PARP1: variants seen among roughly 807,000 people sequenced by gnomAD.
PARP1 encodes poly(ADP-ribose) polymerase 1, also known as poly [ADP-ribose] polymerase 1.
In PARP1, 44 loss-of-function variants were observed where a neutral mutation model predicts 118.7. That is an observed-to-expected ratio of 0.37 (90% confidence interval 0.29 to 0.48). The LOEUF (loss-of-function observed/expected upper bound fraction) is 0.48, where lower values mean the gene tolerates loss of function less well. PARP1 is among the 20% of genes least tolerant of loss of function. The pLI is 0.99. For synonymous variants in PARP1, 492 were observed against 483.2 expected (o/e 1.02, Z -0.24); for missense variants, 1,100 against 1,272.4 (o/e 0.86, Z 2.06).
chr1:226,395,785 A>G (rs552632809), intron 2 of PARP1, among the ~76,000 whole-genome samples: 2 of 152,382 alleles, frequency 1.3e-5, no homozygotes, highest in Admixed American at 1.3e-4. Flanking sequence ...TGCAACACGG[A>G]CGAACCCAGA....
intron 2 of PARP1, among the ~76,000 whole-genome samples, chr1:226,399,807 G>A (rs761237918): frequency 2.6e-5 from 4 of 152,178 alleles, no homozygotes; most frequent in Non-Finnish European, 5.9e-5. Flanking sequence ...AAAAGTCTGT[G>A]TATGTGTGGG....
Position 226,361,160 on chromosome 1 carries a change from T to C in PARP1, c.*300A>G. 2.3e-6 allele frequency: 1 copy of C among 439,694 alleles called. No individual in the cohort carries two copies. The highest frequency in any genetic ancestry group is 4.1e-6 in the Non-Finnish European group (1 of 242,284). The allele number at this position is 439,694 out of a possible 1,614,324, so 27.2% of individuals were successfully genotyped here. Reference sequence around the variant, plus strand: ...GACATTCTAACGAAGCTTGGTTTTTTCCATAGGACTAGTCTATGCAACAGA... The same window carrying C: ...GACATTCTAACGAAGCTTGGTTTTTCCCATAGGACTAGTCTATGCAACAGA... On this transcript the variant is annotated 3_prime_UTR_variant, in exon 23 of 23. Transcript: ENST00000366794.
At chr1:226,382,925 C>T in intron 8 of PARP1, 111 bp downstream of exon 8, 1 of 1,280,242 alleles carries the variant, frequency 7.8e-7, no homozygotes, top group Non-Finnish European at 1.1e-6. Flanking sequence ...GTGGGGTCAG[C>T]AAAGAGAGAC....
chr1:226,404,772 C>T (rs1226538640), intron 1 of PARP1, among the ~76,000 whole-genome samples: 3 of 152,256 alleles, frequency 2.0e-5, no homozygotes, highest in African/African-American at 7.2e-5. Flanking sequence ...GAATCTTTGG[C>T]TGTGCACCCA....
chr1:226,381,042 G>T (rs1169789218), intron 9 of PARP1, 26 bp downstream of exon 9: 5 of 1,613,582 alleles, frequency 3.1e-6, no homozygotes, highest in Non-Finnish European at 3.4e-6. Flanking sequence ...CATTGTCCCT[G>T]TTGCACAAAT....
intron 1 of PARP1, among the ~76,000 whole-genome samples, chr1:226,406,259 G>A (rs1173227522): frequency 6.6e-6 from 1 of 152,200 alleles, no homozygotes; most frequent in African/African-American, 2.4e-5. Context: ...AGAGGTTAGT[G>A]GAGATGGAGA....
At chr1:226,395,888 GAC>G (rs2102743915) in intron 2 of PARP1, among the ~76,000 whole-genome samples, 1 of 152,292 alleles carries the variant, frequency 6.6e-6, no homozygotes, top group South Asian at 2.1e-4. Context: ...ACTTCACAGA[GAC>G]AGAAGCAACA....
chr1:226,406,686 A>G (rs1665154528), intron 1 of PARP1, among the ~76,000 whole-genome samples: 1 of 152,208 alleles, frequency 6.6e-6, no homozygotes, highest in Non-Finnish European at 1.5e-5. Flanking sequence ...CAGAGTGCTT[A>G]GAACTTAAAA....
In PARP1 at chr1:226,392,867, G is replaced by A. The variant is rs1664846426; in HGVS notation, c.287-553C>T. 4.7e-6 allele frequency: 7 copies of A among 1,498,112 alleles called. No homozygotes were observed. In the South Asian group the frequency reaches 9.2e-5, roughly 20 times the overall value. 92.8% of individuals were successfully genotyped at this position (1,498,112 alleles called of 1,614,324 possible). On this transcript the variant is annotated intron_variant, in intron 2 of 22. Transcript: ENST00000366794. The stretch of plus-strand genomic sequence containing the variant: ...TGGCTAGCCATTTGGGACAAAAACT[G>A]GATTCTTCTCTTATTATAAAAATAA...
intron 13 of PARP1, among the ~76,000 whole-genome samples, chr1:226,375,162 G>A (rs1239573779): frequency 2.0e-5 from 3 of 152,326 alleles, no homozygotes; most frequent in South Asian, 2.1e-4. Flanking sequence ...GCTAACTTGC[G>A]TTGTTAGTGT....
intron 17 of PARP1, chr1:226,367,261 C>A: frequency 3.4e-6 from 2 of 586,536 alleles, no homozygotes; most frequent in Non-Finnish European, 6.1e-6. Flanking sequence ...GGAAGGCTGC[C>A]TTGCAAACAA....
Position 226,375,796 on chromosome 1 carries a change from C to T in PARP1, c.1941+1312G>A, listed in dbSNP as rs899104744. ...TGGCTTGAATTATAATTCTATTGGA[C>T]AGCACTGCTCTAGAAGACATAAGGA... On this transcript the variant is annotated intron_variant, in intron 13 of 22. Transcript: ENST00000366794. 1.1e-4 allele frequency among the ~76,000 whole-genome samples: 16 copies of T among 152,156 alleles called. No homozygotes were observed. In the South Asian group the frequency reaches 1.4e-3, roughly 14 times the overall value.
At chr1:226,382,398 T>C (rs1664627016) in intron 8 of PARP1, among the ~76,000 whole-genome samples, 1 of 152,170 alleles carries the variant, frequency 6.6e-6, no homozygotes, top group African/African-American at 2.4e-5. Context: ...GAGTGAGGCC[T>C]GGGATGCTCC....
chr1:226,361,798 T>C (rs1330961563), intron 22 of PARP1, 171 bp downstream of exon 22: 2 of 685,316 alleles, frequency 2.9e-6, no homozygotes, highest in Admixed American at 2.1e-5. Context: ...TCATACCCTG[T>C]AAGCCAGGCT....
chr1:226,384,578 C>T (rs927334689), intron 7 of PARP1, among the ~76,000 whole-genome samples: 5 of 152,196 alleles, frequency 3.3e-5, no homozygotes, highest in Non-Finnish European at 7.3e-5. Flanking sequence ...AATACAAATA[C>T]CACGTAAGGG....
intron 2 of PARP1, among the ~76,000 whole-genome samples, chr1:226,397,320 C>G (rs1664943428): frequency 6.6e-6 from 1 of 152,136 alleles, no homozygotes; most frequent in Non-Finnish European, 1.5e-5. Flanking sequence ...GAGCTGTCCT[C>G]TGTTAAATCT....
chr1:226,402,365 A>G lies in PARP1; in HGVS notation c.135T>C (p.Asp45=). Residue 45 remains aspartate (D), a synonymous_variant, in exon 2 of 23, where the codon GAT becomes GAC. Coordinates refer to ENST00000366794, the MANE Select transcript of PARP1 (RefSeq NM_001618.4). The part of the protein sequence containing the change: ...MAIMVQSPMF[D]GKVPHWYHFS... ...AGTGGTACCAGTGTGGGACTTTTCC[A>G]TCAAACATGGGCGACTAGAAGGAAG... The G allele has an allele frequency of 1.9e-6, 3 of 1,613,460 alleles. No individual in the cohort carries two copies. Among genetic ancestry groups the G allele is most frequent in the Non-Finnish European group, 2.5e-6 (3 of 1,180,022 alleles).
intron 22 of PARP1, 112 bp downstream of exon 22, chr1:226,361,857 T>C: frequency 1.3e-6 from 1 of 745,838 alleles, no homozygotes; most frequent in South Asian, 1.5e-5. Flanking sequence ...TGGGACACAC[T>C]ACAGGACAGC....
intron 19 of PARP1, chr1:226,364,358 G>A (rs1664208335): frequency 2.5e-6 from 1 of 399,552 alleles, no homozygotes; most frequent in African/African-American, 2.1e-5. Context: ...GCTGCCATGA[G>A]GACGGAATGA....
Sources: allele counts gnomAD v4.1 joint callset (sites outside exome capture counted in the v4.1 genomes callset), GRCh38; gene constraint gnomAD v4.1.1; transcripts MANE v1.5; gene names NCBI Gene and HGNC (gene_info 2026-07-23, HGNC 2026-07-21).